PTPRO: variants seen among roughly 807,000 people sequenced by gnomAD.
PTPRO encodes the protein protein tyrosine phosphatase receptor type O.
Under a neutral mutation model 145.2 loss-of-function variants are expected in PTPRO, and 62 were observed. The ratio of observed to expected loss-of-function variants is 0.43; its 90% CI spans 0.35 to 0.53. The LOEUF (loss-of-function observed/expected upper bound fraction) is 0.53. Among genes scored for constraint, PTPRO ranks in the 20% least tolerant of loss-of-function variants. The pLI is 0.01. For missense variants in PTPRO, 1,345 were observed against 1,482.7 expected, an observed-to-expected ratio of 0.91 and a Z score of 1.53; for synonymous variants, 565 against 514.7, an observed-to-expected ratio of 1.10 and a Z score of -1.32.
At chr12:15,509,425 G>A (rs118189326) in intron 7 of PTPRO, among the ~76,000 whole-genome samples, 1,691 of 151,820 alleles carry the variant, frequency 0.011, 17 homozygotes, top group Non-Finnish European at 0.017. Context: ...GGCTGGGTGT[G>A]GGGGCTCACA....
At chr12:15,505,213 TTTCTC>T (rs1320832670) in intron 6 of PTPRO, among the ~76,000 whole-genome samples, 2 of 152,208 alleles carry the variant, frequency 1.3e-5, no homozygotes, top group Non-Finnish European at 2.9e-5. Context: ...CTTTCTGACT[TTTCTC>T]TTCTCTGAAT....
Position 15,508,778 on chromosome 12 carries a change from G to A in PTPRO, c.1464+11G>A. 6.2e-7 allele frequency: 1 copy of A among 1,613,566 alleles called. No homozygotes were observed. The highest frequency in any genetic ancestry group is 8.5e-7 in the Non-Finnish European group (1 of 1,179,720). ...CAGTACTGCACTCAGGTAAAGGAGA[G>A]GAAATGAGAATGGGCTCGCCGGTCC... On this transcript the variant is annotated intron_variant, in intron 7 of 26. Coordinates refer to ENST00000281171, the MANE Select transcript of PTPRO (RefSeq NM_030667.3).
At chr12:15,452,798 T>C (rs1903417) in intron 1 of PTPRO, among the ~76,000 whole-genome samples, 135,329 of 152,154 alleles carry the variant, frequency 0.89, 61,878 homozygotes, top group Non-Finnish European at 0.99. Flanking sequence ...TTGATCAACT[T>C]CATCTGCTAC....
At chr12:15,376,813 C>T in intron 1 of PTPRO, among the ~76,000 whole-genome samples, 1 of 152,156 alleles carries the variant, frequency 6.6e-6, no homozygotes, top group East Asian at 1.9e-4. Context: ...CTCTCATAAC[C>T]TAATCACCTC....
chr12:15,345,752 T>C (rs1028073832), intron 1 of PTPRO, among the ~76,000 whole-genome samples: 7 of 152,102 alleles, frequency 4.6e-5, no homozygotes, highest in African/African-American at 7.2e-5. Context: ...ATAATAATAA[T>C]AATAAAAGAT....
chr12:15,497,137 T>C (rs1257713897), intron 2 of PTPRO, 108 bp from the exon 3 acceptor site: 1 of 1,033,594 alleles, frequency 9.7e-7, no homozygotes, highest in African/African-American at 1.6e-5. Flanking sequence ...ACAGTGAAAA[T>C]TATGCGTGAA....
chr12:15,479,971 A>G (rs887527299), intron 1 of PTPRO, among the ~76,000 whole-genome samples: 5 of 152,282 alleles, frequency 3.3e-5, no homozygotes, highest in African/African-American at 7.2e-5. Context: ...TGAGCCCTAG[A>G]TATTTTTAAA....
chr12:15,343,850 A>AT (rs1867099555), intron 1 of PTPRO, among the ~76,000 whole-genome samples: 1 of 151,872 alleles, frequency 6.6e-6, no homozygotes, highest in South Asian at 2.1e-4. Context: ...CGCCCAGCTA[A>AT]TTTTTTGTAT....
intron 7 of PTPRO, among the ~76,000 whole-genome samples, chr12:15,512,233 A>C (rs1284759934): frequency 6.6e-6 from 1 of 151,974 alleles, no homozygotes; most frequent in East Asian, 1.9e-4. Flanking sequence ...TGTTGCCTCA[A>C]CTTCCCAAGG....
intron 7 of PTPRO, among the ~76,000 whole-genome samples, chr12:15,513,669 T>C (rs977151933): frequency 1.3e-5 from 2 of 152,200 alleles, no homozygotes; most frequent in Admixed American, 1.3e-4. Context: ...CCTTACAGCA[T>C]AGATAAGCTG....
chr12:15,591,536 T>G (rs943604925), intron 25 of PTPRO, among the ~76,000 whole-genome samples: 1 of 152,230 alleles, frequency 6.6e-6, no homozygotes, highest in African/African-American at 2.4e-5. Context: ...TGTCGCTTTC[T>G]GCAAAGCCAA....
intron 13 of PTPRO, 131 bp downstream of exon 13, chr12:15,546,839 T>G: frequency 7.6e-7 from 1 of 1,308,354 alleles, no homozygotes; most frequent in South Asian, 1.3e-5. Context: ...TGTGTTTCAC[T>G]GATAGAAATT....
Position 15,376,694 on chromosome 12 carries a change from G to A in PTPRO, c.75+53893G>A, listed in dbSNP as rs551920215. Among the ~76,000 whole-genome samples the A allele has an allele frequency of 5.3e-5, 8 of 152,264 alleles. No individual in the cohort carries two copies. The South Asian group carries it at 1.7e-3, about 32-fold the overall frequency. On this transcript the variant is annotated intron_variant, in intron 1 of 26. Coordinates refer to ENST00000281171, the MANE Select transcript of PTPRO (RefSeq NM_030667.3). ...GCATCTGGTAGGGTCCCACTTACTAGTTTATAGACAGCTATCTTCTTGCTG... is the reference window on the plus strand; with the variant it reads ...GCATCTGGTAGGGTCCCACTTACTAATTTATAGACAGCTATCTTCTTGCTG...
chr12:15,365,872 TA>T (rs543015146), intron 1 of PTPRO, among the ~76,000 whole-genome samples: 153 of 152,260 alleles, frequency 1.0e-3, no homozygotes, highest in African/African-American at 3.6e-3. Context: ...GTAGGCAATA[TA>T]AAAAATATGT....
intron 25 of PTPRO, among the ~76,000 whole-genome samples, chr12:15,590,493 T>A (rs1415580833): frequency 6.6e-6 from 1 of 152,140 alleles, no homozygotes; most frequent in African/African-American, 2.4e-5. Context: ...TTAAAATGCT[T>A]TGGTCTTCCT....
chr12:15,450,669 A>G (rs1028111704), intron 1 of PTPRO, among the ~76,000 whole-genome samples: 1 of 152,078 alleles, frequency 6.6e-6, no homozygotes, highest in Non-Finnish European at 1.5e-5. Context: ...GCAACTTGGG[A>G]GGCTGGGGTG....
intron 19 of PTPRO, among the ~76,000 whole-genome samples, chr12:15,571,746 C>T (rs1944056163): frequency 6.6e-6 from 1 of 151,672 alleles, no homozygotes; most frequent in South Asian, 2.1e-4. Flanking sequence ...TCATGGTGCC[C>T]ATTCAAACCA....
chr12:15,483,856 C>T, intron 1 of PTPRO, 118 bp from the exon 2 acceptor site: 1 of 1,106,128 alleles, frequency 9.0e-7, no homozygotes, highest in Non-Finnish European at 1.3e-6. Context: ...TAAGGCTTAC[C>T]ATAAACATAA....
At chr12:15,430,669 G>T (rs1159330704) in intron 1 of PTPRO, among the ~76,000 whole-genome samples, 1 of 152,096 alleles carries the variant, frequency 6.6e-6, no homozygotes, top group Admixed American at 6.6e-5. Flanking sequence ...CATCATGGAT[G>T]CTTAGTAACA....
Sources: gnomAD v4.1 joint callset for allele counts (sites outside exome capture counted in the v4.1 genomes callset) on GRCh38, gnomAD v4.1.1 for gene constraint, MANE v1.5 for transcripts, NCBI Gene and HGNC (gene_info 2026-07-23, HGNC 2026-07-21) for gene names.